Variants in RCC2 observed in about 807,000 individuals in gnomAD.
The protein encoded by RCC2 is protein RCC2.
RCC2 carries 19 observed loss-of-function variants against 64.1 expected under a neutral mutation model. The observed-to-expected ratio is 0.30, with a 90% CI of 0.21 to 0.44. The LOEUF (loss-of-function observed/expected upper bound fraction) is 0.44, where lower values mean the gene tolerates loss of function less well. RCC2 is among the 20% of genes least tolerant of loss of function. RCC2 has a pLI of 1.00. For synonymous variants in RCC2, 325 were observed against 279.6 expected (o/e 1.16, Z -1.62); for missense variants, 508 against 710.4 (o/e 0.72, Z 3.24).
At chr1:17,417,544 G>A (rs1229723359) in intron 7 of RCC2, among the ~76,000 whole-genome samples, 10 of 152,144 alleles carry the variant, frequency 6.6e-5, no homozygotes, top group Non-Finnish European at 1.0e-4. Flanking sequence ...TTAGCTGGGC[G>A]TGGTGGTGGG....
intron 3 of RCC2, among the ~76,000 whole-genome samples, chr1:17,427,938 C>T (rs757400447): frequency 6.6e-6 from 1 of 152,144 alleles, no homozygotes; most frequent in Non-Finnish European, 1.5e-5. Context: ...GGGTCTGGTC[C>T]CAATCACAGA....
rs2075452098 is a variant in RCC2, at chr1:17,413,774, G to A, written c.1027-57C>T. On this transcript the variant is annotated intron_variant, in intron 8 of 12. Transcript: ENST00000375436. Reference sequence around the variant, plus strand: ...AACAGACTTCCAACAGGCAACAAGAGGGGTCATCGTTTCTGTGCAGACAAC... The same window carrying A: ...AACAGACTTCCAACAGGCAACAAGAAGGGTCATCGTTTCTGTGCAGACAAC... 1.0e-5 allele frequency: 15 copies of A among 1,490,458 alleles called. No individual in the cohort carries two copies. The Admixed American group carries it at 1.6e-4, about 16-fold the overall frequency. The allele number at this position is 1,490,458 out of a possible 1,614,324, so 92.3% of individuals were successfully genotyped here.
In RCC2 at chr1:17,425,789, G is replaced by A. The variant is rs1024066768; in HGVS notation, c.380-105C>T. 6 of 1,233,098 alleles carry A rather than the reference G, an allele frequency of 4.9e-6. No individual in the cohort carries two copies. The Admixed American group carries it at 6.6e-5, about 14-fold the overall frequency. 76.4% of individuals were successfully genotyped at this position (1,233,098 alleles called of 1,614,324 possible). ...CACTTCCCGAGGGTACCAGGGACAG[G>A]TGTTCCTCGGGTGCCACCCTGCCTT... On this transcript the variant is annotated intron_variant, in intron 3 of 12. Transcript: ENST00000375436.
chr1:17,438,048 G>A (rs1446724541), intron 2 of RCC2, among the ~76,000 whole-genome samples, 182 bp downstream of exon 2: 1 of 144,456 alleles, frequency 6.9e-6, no homozygotes, highest in Non-Finnish European at 1.5e-5. Context: ...CGCGCGCCCC[G>A]TACCGAGCCC....
At chr1:17,429,379 G>A (rs765145402) in intron 2 of RCC2, among the ~76,000 whole-genome samples, 180 bp from the exon 3 acceptor site, 7 of 152,090 alleles carry the variant, frequency 4.6e-5, no homozygotes, top group South Asian at 2.1e-4. Context: ...GTGGCAATGC[G>A]GGCAACCCCA....
chr1:17,409,884 C>G, intron 12 of RCC2, 90 bp downstream of exon 12: 1 of 1,154,126 alleles, frequency 8.7e-7, no homozygotes, highest in Non-Finnish European at 1.3e-6. Context: ...ACAAGACAAC[C>G]CAAACAGACT....
chr1:17,414,209 A>C (rs2075456331), intron 8 of RCC2, among the ~76,000 whole-genome samples: 1 of 152,180 alleles, frequency 6.6e-6, no homozygotes, highest in Non-Finnish European at 1.5e-5. Context: ...GTCTCCTGAG[A>C]GTTGGGCAAT....
chr1:17,433,364 G>A (rs2100394302), intron 2 of RCC2, among the ~76,000 whole-genome samples: 2 of 152,306 alleles, frequency 1.3e-5, no homozygotes, highest in Middle Eastern at 6.8e-3. Flanking sequence ...CTTCCTCAGA[G>A]ACCAGAAACA....
intron 2 of RCC2, among the ~76,000 whole-genome samples, chr1:17,435,423 T>G (rs2075725997): frequency 6.6e-6 from 1 of 152,150 alleles, no homozygotes; most frequent in Non-Finnish European, 1.5e-5. Flanking sequence ...TGCAAAATGC[T>G]CAGTAAAAAA....
chr1:17,438,233 G>T lies in RCC2; in HGVS notation c.282C>A (p.Arg94=). The T allele has an allele frequency of 7.7e-7, 1 of 1,306,048 alleles. No individual in the cohort carries two copies. 80.9% of individuals were successfully genotyped at this position (1,306,048 alleles called of 1,614,324 possible). The change falls in exon 2 of 13, where the codon CGC becomes CGA. Residue 94 remains arginine, a synonymous_variant. Coordinates refer to ENST00000375436, the MANE Select transcript of RCC2 (RefSeq NM_018715.4). ...VITEPEHTKE[R]VKLEGSKCKG... ...GTCTACCCTGACCCTCACTCACGAC[G>T]CGCTCCTTGGTGTGCTCGGGTTCGG...
intron 10 of RCC2, 62 bp from the exon 11 acceptor site, chr1:17,412,256 T>A (rs2075435141): frequency 1.3e-6 from 2 of 1,521,542 alleles, no homozygotes; most frequent in Admixed American, 3.5e-5. Context: ...CACGCAGCTA[T>A]GGCTCAAGGG....
intron 3 of RCC2, 35 bp downstream of exon 3, chr1:17,429,071 G>C (rs764610109): frequency 1.3e-6 from 2 of 1,508,044 alleles, no homozygotes; most frequent in South Asian, 2.2e-5. Context: ...CACTTAAGAA[G>C]CACTCAATGG....
intron 3 of RCC2, among the ~76,000 whole-genome samples, chr1:17,427,293 G>A (rs1388781769): frequency 4.6e-5 from 7 of 152,196 alleles, no homozygotes; most frequent in Non-Finnish European, 1.0e-4. Context: ...TCATTCAGGT[G>A]TGGGGGCAAG....
intron 2 of RCC2, among the ~76,000 whole-genome samples, chr1:17,431,639 C>A (rs2075682820): frequency 6.6e-6 from 1 of 151,630 alleles, no homozygotes; most frequent in Non-Finnish European, 1.5e-5. Flanking sequence ...GATTACACAT[C>A]TTCATGACGG....
rs772631308 is a variant in RCC2 at position 17,407,192 on chromosome 1, C to A, written c.*1898G>T. 5.3e-5 allele frequency: 8 copies of A among 152,086 alleles called. No individual in the cohort carries two copies. Among genetic ancestry groups the A allele is most frequent in the Non-Finnish European group, 8.8e-5 (6 of 68,036 alleles). 9.4% of individuals were successfully genotyped at this position (152,086 alleles called of 1,614,324 possible). On this transcript the variant is annotated 3_prime_UTR_variant, in exon 13 of 13. Transcript: ENST00000375436. Reference sequence around the variant, plus strand: ...GGCTGCCACGTTTACATGAGGCCACCGAAGATCTAAGTCCAGCTAAGCCCA... The same window carrying A: ...GGCTGCCACGTTTACATGAGGCCACAGAAGATCTAAGTCCAGCTAAGCCCA...
At chr1:17,414,050 G>A (rs996218574) in intron 8 of RCC2, among the ~76,000 whole-genome samples, 2 of 152,214 alleles carry the variant, frequency 1.3e-5, no homozygotes, top group Non-Finnish European at 2.9e-5. Flanking sequence ...GAGGCAACAG[G>A]AGCAAGTGTA....
At position 17,413,676 on chromosome 1, in the gene RCC2, A is replaced by G. The variant is rs780921803; in HGVS notation, c.1068T>C (p.Phe356=). ...CGTGGCCCAGCCGGCCATAGCCACC[A>G]AAGCCCCAGGAGAAGACTCGCTTCT... ...DSQKRVFSWG[F]GGYGRLGHAE... Residue 356 remains phenylalanine, a synonymous_variant, in exon 9 of 13, where the codon TTT becomes TTC. Coordinates refer to ENST00000375436, the MANE Select transcript of RCC2 (RefSeq NM_018715.4). The G allele has an allele frequency of 2.5e-6, 4 of 1,614,140 alleles. No individual in the cohort carries two copies. The highest frequency in any genetic ancestry group is 2.5e-6 in the Non-Finnish European group (3 of 1,179,982).
At chr1:17,414,478 C>T (rs760912293) in intron 8 of RCC2, among the ~76,000 whole-genome samples, 6 of 145,774 alleles carry the variant, frequency 4.1e-5, no homozygotes, top group Non-Finnish European at 7.4e-5. Context: ...TGCAGTGAGC[C>T]GAGATAGCGT....
At chr1:17,424,929 G>A (rs1191454065) in intron 4 of RCC2, among the ~76,000 whole-genome samples, 5 of 152,160 alleles carry the variant, frequency 3.3e-5, no homozygotes, top group African/African-American at 7.2e-5. Flanking sequence ...AACCCATCCC[G>A]AGTGCCCAGG....
Sources: allele counts gnomAD v4.1 joint callset (sites outside exome capture counted in the v4.1 genomes callset), GRCh38; gene constraint gnomAD v4.1.1; transcripts MANE v1.5; gene names NCBI Gene and HGNC (gene_info 2026-07-23, HGNC 2026-07-21).